ASIC2: variants seen among roughly 807,000 people sequenced by gnomAD.
The protein encoded by ASIC2 is acid sensing ion channel subunit 2.
A neutral mutation model predicts 57.3 loss-of-function variants in ASIC2; 25 were observed. That is an observed-to-expected ratio of 0.44 (90% CI 0.32 to 0.61). The LOEUF (loss-of-function observed/expected upper bound fraction) is 0.61, where lower values mean the gene tolerates loss of function less well. Among genes scored for constraint, ASIC2 ranks in the 20% least tolerant of loss-of-function variants. The probability of loss-of-function intolerance (pLI) is 0.06; values close to 1 mark genes in which losing one functional copy is unlikely to be tolerated. For missense variants in ASIC2, 641 were observed against 738.1 expected (o/e 0.87, Z 1.52); for synonymous variants, 319 against 307.5 (o/e 1.04, Z -0.39).
intron 1 of ASIC2, among the ~76,000 whole-genome samples, chr17:33,694,674 A>G (rs544210806): frequency 1.4e-4 from 21 of 152,274 alleles, no homozygotes; most frequent in South Asian, 4.1e-4. Flanking sequence ...CAAAGCTCCA[A>G]TGGATAATGT....
rs575212490 is a variant in ASIC2 at position 33,498,804 on chromosome 17, C to T, written c.556-386737G>A. Among the ~76,000 whole-genome samples, 15 of 152,138 alleles carry T rather than the reference C, an allele frequency of 9.9e-5. No homozygotes were observed. The East Asian group carries it at 2.7e-3, about 27-fold the overall frequency. On this transcript the variant is annotated intron_variant, in intron 1 of 9. Coordinates refer to the ASIC2 transcript ENST00000359872. ...AAAGAGGAATGAGTGTGTGTGTGTG[C>T]CATGGCCTTGGGGAGAGGCTTCCAG...
chr17:33,829,157 G>C (rs182164106), intron 1 of ASIC2, among the ~76,000 whole-genome samples: 1 of 152,102 alleles, frequency 6.6e-6, no homozygotes, highest in African/African-American at 2.4e-5. Flanking sequence ...GACCCCACCT[G>C]GTCAACAAAA....
At chr17:34,034,333 A>T (rs892675837) in intron 1 of ASIC2, among the ~76,000 whole-genome samples, 1 of 152,228 alleles carries the variant, frequency 6.6e-6, no homozygotes, top group Non-Finnish European at 1.5e-5. Flanking sequence ...AAAAACTCTC[A>T]ATAAATTAGG....
chr17:33,454,615 C>T (rs531020164), intron 1 of ASIC2, among the ~76,000 whole-genome samples: 1 of 152,322 alleles, frequency 6.6e-6, no homozygotes, highest in African/African-American at 2.4e-5. Flanking sequence ...AAATCTTAGA[C>T]AGCACATAAA....
At chr17:33,871,298 A>G (rs1567740904) in intron 1 of ASIC2, among the ~76,000 whole-genome samples, 1 of 152,240 alleles carries the variant, frequency 6.6e-6, no homozygotes, top group Non-Finnish European at 1.5e-5. Context: ...TGAAGTCATT[A>G]AAAGCCCTCT....
At chr17:34,045,416 G>T (rs1176949473) in intron 1 of ASIC2, among the ~76,000 whole-genome samples, 1 of 152,190 alleles carries the variant, frequency 6.6e-6, no homozygotes, top group African/African-American at 2.4e-5. Context: ...GAAACTGGGA[G>T]CCCCTAATCT....
At chr17:33,619,348 G>A (rs961862215) in intron 1 of ASIC2, among the ~76,000 whole-genome samples, 14 of 152,012 alleles carry the variant, frequency 9.2e-5, no homozygotes, top group African/African-American at 3.1e-4. Context: ...TAAAAATGAT[G>A]TACCAGAAAA....
chr17:34,013,628 G>T (rs1300688610), intron 1 of ASIC2, among the ~76,000 whole-genome samples: 1 of 152,202 alleles, frequency 6.6e-6, no homozygotes, highest in African/African-American at 2.4e-5. Flanking sequence ...CCTATTCCTT[G>T]CCAGTCACAC....
intron 1 of ASIC2, among the ~76,000 whole-genome samples, chr17:33,431,089 C>G (rs141762934): frequency 3.3e-5 from 5 of 152,182 alleles, no homozygotes; most frequent in African/African-American, 1.2e-4. Flanking sequence ...GCCAGCATGT[C>G]CTCACTGGAA....
intron 1 of ASIC2, among the ~76,000 whole-genome samples, chr17:33,968,434 A>C (rs1246342814): frequency 6.6e-6 from 1 of 152,232 alleles, no homozygotes; most frequent in Non-Finnish European, 1.5e-5. Flanking sequence ...CTCTGAAAGC[A>C]GCTTCTCACC....
At chr17:34,046,208 C>T (rs1186700636) in intron 1 of ASIC2, among the ~76,000 whole-genome samples, 3 of 152,168 alleles carry the variant, frequency 2.0e-5, no homozygotes, top group South Asian at 2.1e-4. Context: ...TCCAGCTGAG[C>T]CCTAACCAAT....
chr17:33,180,674 A>C (rs1905946662), intron 1 of ASIC2, among the ~76,000 whole-genome samples: 1 of 152,114 alleles, frequency 6.6e-6, no homozygotes, highest in Non-Finnish European at 1.5e-5. Flanking sequence ...TCTACTGGGA[A>C]CCTGGGCTGT....
At chr17:33,786,487 A>G (rs776542262) in intron 1 of ASIC2, among the ~76,000 whole-genome samples, 2 of 152,194 alleles carry the variant, frequency 1.3e-5, no homozygotes, top group East Asian at 1.9e-4. Flanking sequence ...ATCTGCTATC[A>G]CCATTATTTT....
In ASIC2 at chr17:33,314,176, C is replaced by T. The variant is rs376722164; in HGVS notation, c.556-202109G>A. ...TGGGCCAAGCATGGGACAACTCAGA[C>T]CCTCTGTCTTTTCATTGAAACCTTG... On this transcript the variant is annotated intron_variant, in intron 1 of 9. Coordinates refer to the ASIC2 transcript ENST00000359872. Among the ~76,000 whole-genome samples, 155 of 152,226 alleles carry T rather than the reference C, an allele frequency of 1.0e-3. 1 individual carries two copies. The highest frequency in any genetic ancestry group is 3.7e-3 in the African/African-American group (152 of 41,542).
chr17:33,670,720 G>C (rs1225313606), intron 1 of ASIC2, among the ~76,000 whole-genome samples: 5 of 152,196 alleles, frequency 3.3e-5, no homozygotes, highest in African/African-American at 1.2e-4. Flanking sequence ...ACTTCTGCAA[G>C]TTTCCATCCA....
chr17:33,443,950 G>A (rs1364420347), intron 1 of ASIC2, among the ~76,000 whole-genome samples: 2 of 152,074 alleles, frequency 1.3e-5, no homozygotes, highest in Non-Finnish European at 2.9e-5. Context: ...TTCCTACCCA[G>A]CACTTGCGCT....
chr17:34,138,197 T>C (rs1000929647), intron 1 of ASIC2, among the ~76,000 whole-genome samples: 8 of 152,082 alleles, frequency 5.3e-5, no homozygotes, highest in African/African-American at 1.9e-4. Flanking sequence ...TGTACCTCAG[T>C]CCTCAATACA....
chr17:33,546,351 C>T (rs997917197), intron 1 of ASIC2, among the ~76,000 whole-genome samples: 4 of 151,988 alleles, frequency 2.6e-5, no homozygotes, highest in Non-Finnish European at 4.4e-5. Flanking sequence ...CTTGTACCTT[C>T]GATTGCAGCA....
intron 1 of ASIC2, among the ~76,000 whole-genome samples, chr17:33,268,615 T>A (rs894606888): frequency 6.6e-6 from 1 of 152,112 alleles, no homozygotes; most frequent in Non-Finnish European, 1.5e-5. Context: ...GTCATCAAGG[T>A]CAACTGGGAC....
Sources: gnomAD v4.1 joint callset for allele counts (sites outside exome capture counted in the v4.1 genomes callset) on GRCh38, gnomAD v4.1.1 for gene constraint, MANE v1.5 for transcripts, NCBI Gene and HGNC (gene_info 2026-07-23, HGNC 2026-07-21) for gene names.